Variants in PTPRT observed in about 807,000 individuals in gnomAD.
PTPRT encodes the protein protein tyrosine phosphatase receptor type T.
A neutral mutation model predicts 176.8 loss-of-function variants in PTPRT; 56 were observed. The ratio of observed to expected loss-of-function variants is 0.32; its 90% confidence interval spans 0.26 to 0.40. PTPRT has a LOEUF of 0.40. Ranked by LOEUF, PTPRT falls within the 10% of genes least tolerant of loss-of-function variation. PTPRT has a pLI of 1.00. For missense variants in PTPRT, 1,540 were observed against 1,908.2 expected, an observed-to-expected ratio of 0.81 and a Z score of 3.60; for synonymous variants, 783 against 739.0, an observed-to-expected ratio of 1.06 and a Z score of -0.96.
At chr20:43,083,651 A>C (rs1258617744) in intron 1 of PTPRT, among the ~76,000 whole-genome samples, 1 of 151,814 alleles carries the variant, frequency 6.6e-6, no homozygotes, top group East Asian at 1.9e-4. Context: ...GAGCCACCGC[A>C]CCCAGCCTTA....
chr20:43,012,278 C>T (rs370171047), intron 1 of PTPRT, among the ~76,000 whole-genome samples: 1 of 152,164 alleles, frequency 6.6e-6, no homozygotes, highest in Non-Finnish European at 1.5e-5. Flanking sequence ...CATGCTGTAA[C>T]ATGAATGTAC....
At chr20:42,776,784 TTA>T (rs1300669454) in intron 4 of PTPRT, among the ~76,000 whole-genome samples, 3 of 148,152 alleles carry the variant, frequency 2.0e-5, no homozygotes, top group African/African-American at 4.9e-5. Context: ...TAAATGTAAA[TTA>T]TATGATTATA....
chr20:42,677,752 C>A, intron 7 of PTPRT, 114 bp downstream of exon 7: 1 of 1,227,834 alleles, frequency 8.1e-7, no homozygotes, highest in Non-Finnish European at 1.1e-6. Flanking sequence ...ATAGGAAGCA[C>A]ATTCACATTC....
intron 16 of PTPRT, among the ~76,000 whole-genome samples, chr20:42,170,957 A>G (rs1426968946): frequency 6.6e-6 from 1 of 152,228 alleles, no homozygotes; most frequent in African/African-American, 2.4e-5. Flanking sequence ...ATACTCAGAT[A>G]AACATCTAGG....
chr20:42,177,530 A>G (rs947715855), intron 16 of PTPRT, among the ~76,000 whole-genome samples: 3 of 152,226 alleles, frequency 2.0e-5, no homozygotes, highest in African/African-American at 4.8e-5. Context: ...AGCCTGGCTG[A>G]TCCTCAGGTG....
At position 42,273,998 on chromosome 20, in the gene PTPRT, T is replaced by C. The variant is rs1016613278; in HGVS notation, c.2176+8491A>G. 1.2e-4 allele frequency among the ~76,000 whole-genome samples: 19 copies of C among 152,044 alleles called. No homozygotes were observed. In the East Asian group the frequency reaches 3.3e-3, roughly 26 times the overall value. Reference sequence around the variant, plus strand: ...GGATAAATGCAGGAATGGGGAGAGATTTTTCTAGTTGGTGGGCAGAATATA... The same window carrying C: ...GGATAAATGCAGGAATGGGGAGAGACTTTTCTAGTTGGTGGGCAGAATATA... On this transcript the variant is annotated intron_variant, in intron 13 of 30. Transcript: ENST00000373187.
At chr20:42,045,685 T>C in the PTPRT span, among the ~76,000 whole-genome samples, 1 of 151,892 alleles carries the variant, frequency 6.6e-6, no homozygotes, top group Admixed American at 6.6e-5. Flanking sequence ...AGTACTATTA[T>C]TGTTCCCAGT....
chr20:42,843,037 A>G (rs1158067007), intron 2 of PTPRT, among the ~76,000 whole-genome samples: 1 of 152,210 alleles, frequency 6.6e-6, no homozygotes, highest in South Asian at 2.1e-4. Flanking sequence ...AGTCAGGCCT[A>G]GTATGACCTT....
chr20:42,383,507 G>A (rs538983394), intron 9 of PTPRT, among the ~76,000 whole-genome samples: 106 of 152,252 alleles, frequency 7.0e-4, no homozygotes, highest in African/African-American at 2.4e-3. Flanking sequence ...ATAAATGGGA[G>A]GACAGGAGAA....
intron 1 of PTPRT, among the ~76,000 whole-genome samples, chr20:42,905,095 G>C (rs903096958): frequency 3.2e-4 from 48 of 152,220 alleles, no homozygotes; most frequent in African/African-American, 9.6e-4. Context: ...AGAGCTTCTG[G>C]ACAGCAAAAG....
chr20:42,274,384 G>C (rs1204286942), intron 13 of PTPRT, among the ~76,000 whole-genome samples: 1 of 152,162 alleles, frequency 6.6e-6, no homozygotes, highest in East Asian at 1.9e-4. Context: ...TTGGGTATTA[G>C]CTTGTTATGT....
At chr20:42,962,030 T>A (rs1982010665) in intron 1 of PTPRT, among the ~76,000 whole-genome samples, 1 of 152,208 alleles carries the variant, frequency 6.6e-6, no homozygotes, top group African/African-American at 2.4e-5. Context: ...GCAGTCCTGC[T>A]GTCACCCTGC....
chr20:42,845,756 G>C (rs1487944042), intron 2 of PTPRT, among the ~76,000 whole-genome samples: 1 of 152,110 alleles, frequency 6.6e-6, no homozygotes, highest in Non-Finnish European at 1.5e-5. Flanking sequence ...CTTGGTTAAG[G>C]GCAAGCGAGA....
intron 16 of PTPRT, among the ~76,000 whole-genome samples, chr20:42,182,472 G>A (rs371484775): frequency 2.0e-4 from 31 of 152,252 alleles, no homozygotes; most frequent in African/African-American, 6.3e-4. Flanking sequence ...AACACAGCTG[G>A]CTGAAGATTC....
At chr20:42,818,478 T>C (rs208222) in intron 2 of PTPRT, among the ~76,000 whole-genome samples, 111,421 of 152,030 alleles carry the variant, frequency 0.73, 40,916 homozygotes, top group East Asian at 0.83. Flanking sequence ...CAGAGTGCCT[T>C]TCCTCCTCCA....
intron 1 of PTPRT, among the ~76,000 whole-genome samples, chr20:43,089,463 T>G (rs1346594729): frequency 1.3e-5 from 2 of 152,230 alleles, no homozygotes; most frequent in African/African-American, 4.8e-5. Flanking sequence ...GAATAGTCTG[T>G]GAAGACCAGC....
chr20:42,700,233 G>A (rs754634452), intron 6 of PTPRT, among the ~76,000 whole-genome samples: 27 of 152,124 alleles, frequency 1.8e-4, no homozygotes, highest in African/African-American at 3.9e-4. Context: ...AGAAGCCCAC[G>A]GAAGTCACCT....
At chr20:42,605,608 G>A (rs1054989677) in intron 7 of PTPRT, among the ~76,000 whole-genome samples, 5 of 152,112 alleles carry the variant, frequency 3.3e-5, no homozygotes, top group African/African-American at 1.2e-4. Flanking sequence ...GGGTGTTCCT[G>A]GTGAAGTTTG....
At position 42,967,328 on chromosome 20, in the gene PTPRT, A is replaced by G. The variant is rs6072915; in HGVS notation, c.89-81396T>C. ...TTATTTAAGGTATTGAGATGAGATC[A>G]TCCTGGTTTACCAAGGTGGGCCCTA... On this transcript the variant is annotated intron_variant, in intron 1 of 30. Coordinates refer to ENST00000373187, the MANE Select transcript of PTPRT (RefSeq NM_007050.6). Among the ~76,000 whole-genome samples the G allele has an allele frequency of 6.9e-3, 1,053 of 152,324 alleles. 5 individuals carry two copies. Among genetic ancestry groups the G allele is most frequent in the Middle Eastern group, 0.014 (4 of 294 alleles).
Sources: allele counts gnomAD v4.1 joint callset (sites outside exome capture counted in the v4.1 genomes callset), GRCh38; gene constraint gnomAD v4.1.1; transcripts MANE v1.5; gene names NCBI Gene and HGNC (gene_info 2026-07-23, HGNC 2026-07-21).